The following PLEKHM1 variants were observed in gnomAD, a reference collection of about 807,000 sequenced individuals.
PLEKHM1 encodes the protein pleckstrin homology and RUN domain containing M1.
A neutral mutation model predicts 94.3 loss-of-function variants in PLEKHM1; 28 were observed. That is an observed-to-expected ratio of 0.30 (90% CI 0.22 to 0.41). PLEKHM1 has a LOEUF of 0.41. PLEKHM1 is among the 10% of genes least tolerant of loss of function. PLEKHM1 has a pLI of 1.00. For synonymous variants in PLEKHM1, 424 were observed against 581.2 expected (o/e 0.73, Z 3.89); for missense variants, 907 against 1,358.6 (o/e 0.67, Z 5.22).
intron 5 of PLEKHM1, among the ~76,000 whole-genome samples, chr17:45,461,865 G>A (rs1342139363): frequency 6.6e-6 from 1 of 152,112 alleles, no homozygotes. Context: ...AGTGGATTCT[G>A]GTTCCTTTTC....
rs552862443 is a variant in PLEKHM1 at position 45,468,956 on chromosome 17, G to A, written c.924-363C>T. Among the ~76,000 whole-genome samples, 43 of 151,678 alleles carry A rather than the reference G, an allele frequency of 2.8e-4. No homozygotes were observed. The South Asian group carries it at 8.3e-3, about 29-fold the overall frequency. On this transcript the variant is annotated intron_variant, in intron 4 of 11. Transcript: ENST00000430334. The stretch of plus-strand genomic sequence containing the variant: ...CAAACACATGGTTGTGTGGGCAATC[G>A]TTTCCCCAAACATGGTATGCAGCAG...
rs1376708773 is a variant in PLEKHM1, at chr17:45,458,389, C to G, written c.1359G>C (p.Glu453Asp). 1.2e-6 allele frequency: 2 copies of G among 1,613,762 alleles called. 1 individual carries two copies. Among genetic ancestry groups the G allele is most frequent in the African/African-American group, 2.7e-5 (2 of 74,928 alleles). ...SEDDFYRPSR[E>D]QPLESASDHP... is the part of the protein sequence containing the mutation. The stretch of plus-strand genomic sequence containing the variant: ...GGTCTGAAGCACTCTCCAGGGGTTG[C>G]TCCCGGGAAGGCCGGTAGAAGTCAT... Residue 453 changes from glutamate to aspartate, a missense_variant, in exon 6 of 12, where the codon GAG (glutamate) becomes GAC (aspartate). Physicochemically the swap from Glu to Asp is conservative, Grantham distance 45 (BLOSUM62 2). This residue lies in a region of PLEKHM1 where 477 missense variants were observed against 601.5 expected (regional missense o/e 0.79). Coordinates refer to ENST00000430334, the MANE Select transcript of PLEKHM1 (RefSeq NM_014798.3).
At position 45,453,081 on chromosome 17, in the gene PLEKHM1, G is replaced by C. The variant is rs151150419; in HGVS notation, c.2497+274C>G. 7 of 594,898 alleles carry C rather than the reference G, an allele frequency of 1.2e-5. No individual in the cohort carries two copies. The highest frequency in any genetic ancestry group is 4.4e-4 in the Middle Eastern group (1 of 2,254). 36.9% of individuals were successfully genotyped at this position (594,898 alleles called of 1,614,324 possible). On this transcript the variant is annotated intron_variant, in intron 7 of 11. Transcript: ENST00000430334. This position sits in a 1 kb window ranked among gnomAD's most constrained non-coding sequence, Gnocchi z 4.1. ...AATGAAGCAGGCTGGGACTCCCTGA[G>C]CAGCGCAGTGAGTAGCCAGCCTGCC... is the stretch of plus-strand genomic sequence containing the variant.
At position 45,444,140 on chromosome 17, in the gene PLEKHM1, G is replaced by C. The variant is rs1225929791; in HGVS notation, c.2837+1330C>G. 2.6e-5 allele frequency among the ~76,000 whole-genome samples: 4 copies of C among 152,184 alleles called. No individual in the cohort carries two copies. Among genetic ancestry groups the C allele is most frequent in the Non-Finnish European group, 5.9e-5 (4 of 68,014 alleles). On this transcript the variant is annotated intron_variant, in intron 9 of 11. Coordinates refer to ENST00000430334, the MANE Select transcript of PLEKHM1 (RefSeq NM_014798.3). The surrounding 1 kb of genome is among the most constrained non-coding windows in gnomAD (Gnocchi z 5.0). The stretch of plus-strand genomic sequence containing the variant: ...GCCAGGATGGAGGAGGCAGTCTTCA[G>C]AGAGGCGCTCTCTGGGCCAGCCCTG...
intron 6 of PLEKHM1, among the ~76,000 whole-genome samples, chr17:45,457,418 G>A (rs997613953): frequency 6.6e-6 from 1 of 152,050 alleles, no homozygotes; most frequent in Non-Finnish European, 1.5e-5. Context: ...AAATGAGCCA[G>A]GCATGGTGGC....
In PLEKHM1 at chr17:45,453,679, T is replaced by C; in HGVS notation, c.2173A>G (p.Ser725Gly). 1 of 1,613,804 alleles carries C rather than the reference T, an allele frequency of 6.2e-7. No individual in the cohort carries two copies. The highest frequency in any genetic ancestry group is 8.5e-7 in the Non-Finnish European group (1 of 1,179,820). Residue 725 changes from serine (S) to glycine (G), a missense_variant, in exon 7 of 12, where the codon AGC becomes GGC. By Grantham distance (56) the Ser-to-Gly change is moderately conservative. Coordinates refer to ENST00000430334, the MANE Select transcript of PLEKHM1 (RefSeq NM_014798.3). The surrounding 1 kb of genome is among the most constrained non-coding windows in gnomAD (Gnocchi z 4.1). ...TCCCGGATGGTCTCCACGCCGTGGC[T>C]GTCACTCAGCATCTTCTCATTGTTC... The part of the protein sequence containing the change: ...IRNNEKMLSD[S>G]HGVETIRDIL...
intron 5 of PLEKHM1, chr17:45,460,103 T>C (rs911775765): frequency 2.0e-5 from 3 of 152,172 alleles, no homozygotes; most frequent in Non-Finnish European, 4.4e-5. Context: ...TGTATGACAG[T>C]AGAACATGTG....
chr17:45,472,576 C>T (rs1316621837), intron 4 of PLEKHM1, among the ~76,000 whole-genome samples: 1 of 152,228 alleles, frequency 6.6e-6, no homozygotes, highest in Admixed American at 6.5e-5. Flanking sequence ...GGTCACACTG[C>T]AGGCCTGTCA....
At chr17:45,467,035 G>C (rs1273033421) in intron 5 of PLEKHM1, among the ~76,000 whole-genome samples, 3 of 152,186 alleles carry the variant, frequency 2.0e-5, no homozygotes, top group Non-Finnish European at 2.9e-5. Context: ...TTTTTACAAT[G>C]GAATACTGCA....
At position 45,440,164 on chromosome 17, in the gene PLEKHM1, T is replaced by A. The variant is rs375254505; in HGVS notation, c.2900A>T (p.Gln967Leu). ...GCGGGGGAAGCATGACACTCTTACCTGTTGGAGGTCAGCAACACTGAACCT... is the reference window on the plus strand; with the variant it reads ...GCGGGGGAAGCATGACACTCTTACCAGTTGGAGGTCAGCAACACTGAACCT... ...PHRFSVADLQ[Q>L]IADGVYEGFL... is the part of the protein sequence containing the mutation. The change falls in exon 10 of 12, where the codon CAG (glutamine) becomes CTG (leucine). Residue 967 changes from glutamine to leucine, a missense_variant and splice_region_variant. Transcript: ENST00000430334. 70 of 1,613,522 alleles carry A rather than the reference T, an allele frequency of 4.3e-5. No homozygotes were observed. The highest frequency in any genetic ancestry group is 5.9e-5 in the Non-Finnish European group (70 of 1,179,534).
chr17:45,455,258 C>T (rs569356108), intron 6 of PLEKHM1, among the ~76,000 whole-genome samples: 1 of 152,280 alleles, frequency 6.6e-6, no homozygotes, highest in South Asian at 2.1e-4. Context: ...CTCCTCGTTG[C>T]CAAACCCCAA....
At position 45,436,514 on chromosome 17, in the gene PLEKHM1, CT is replaced by C. The variant is rs1375487346; in HGVS notation, c.*1343del. On this transcript the variant is annotated 3_prime_UTR_variant, in exon 12 of 12. Coordinates refer to ENST00000430334, the MANE Select transcript of PLEKHM1 (RefSeq NM_014798.3). Reference sequence around the variant, plus strand: ...TGACATGCGGCTCTCCACCTGAGGCCTGACTCCAAGCTGAGCGCAGGTAAGA... The same window carrying C: ...TGACATGCGGCTCTCCACCTGAGGCCGACTCCAAGCTGAGCGCAGGTAAGA... 1 of 453,420 alleles carries C rather than the reference CT, an allele frequency of 2.2e-6. No homozygotes were observed. Among genetic ancestry groups the C allele is most frequent in the East Asian group, 7.0e-5 (1 of 14,362 alleles). 28.1% of individuals were successfully genotyped at this position (453,420 alleles called of 1,614,324 possible). A position where few individuals can be genotyped will look rare whatever the true frequency, so the allele number is the denominator to read the frequency against.
intron 6 of PLEKHM1, among the ~76,000 whole-genome samples, chr17:45,455,171 C>T (rs1473255537): frequency 1.3e-5 from 2 of 152,172 alleles, no homozygotes; most frequent in Non-Finnish European, 2.9e-5. Flanking sequence ...TCCCTGCTCC[C>T]ATTCCTTCTC....
chr17:45,440,320 G>A, intron 9 of PLEKHM1, 94 bp from the exon 10 acceptor site: 1 of 1,271,230 alleles, frequency 7.9e-7, no homozygotes. Context: ...CTGCTCACCA[G>A]GCAGACACCC....
intron 9 of PLEKHM1, among the ~76,000 whole-genome samples, chr17:45,442,322 G>A (rs1212359536): frequency 6.6e-6 from 1 of 152,144 alleles, no homozygotes; most frequent in Non-Finnish European, 1.5e-5. Context: ...CCAGCTCCCT[G>A]GGCTAATTAC....
At chr17:45,489,518 T>C (rs2052239617) in intron 1 of PLEKHM1, among the ~76,000 whole-genome samples, 1 of 152,156 alleles carries the variant, frequency 6.6e-6, no homozygotes, top group Non-Finnish European at 1.5e-5. Flanking sequence ...ATTTGAATGA[T>C]ACCTACCATT....
chr17:45,473,371 CTT>C (rs1238532205), intron 4 of PLEKHM1, among the ~76,000 whole-genome samples: 3 of 152,022 alleles, frequency 2.0e-5, no homozygotes, highest in Non-Finnish European at 4.4e-5. Flanking sequence ...AGGAAGATCT[CTT>C]GAGCCCAGGA....
intron 2 of PLEKHM1, among the ~76,000 whole-genome samples, chr17:45,478,850 G>A (rs2051844352): frequency 6.6e-6 from 1 of 151,828 alleles, no homozygotes; most frequent in South Asian, 2.1e-4. Flanking sequence ...AAGATCCTAG[G>A]CCTGGAAGCC....
Position 45,453,251 on chromosome 17 carries a change from G to T in PLEKHM1, c.2497+104C>A, listed in dbSNP as rs773740654. 1.0e-6 allele frequency: 1 copy of T among 969,678 alleles called. No homozygotes were observed. The highest frequency in any genetic ancestry group is 1.4e-5 in the South Asian group (1 of 72,318). The allele number at this position is 969,678 out of a possible 1,614,324, so 60.1% of individuals were successfully genotyped here. On this transcript the variant is annotated intron_variant, in intron 7 of 11. Transcript: ENST00000430334. This position sits in a 1 kb window ranked among gnomAD's most constrained non-coding sequence, Gnocchi z 4.1. ...TGGCCTCATCCCTAGGGGAAGGATG[G>T]GGGCATTTGCGGGGAGGCAGAAGGG...
Sources: gnomAD v4.1 joint callset for allele counts (sites outside exome capture counted in the v4.1 genomes callset) on GRCh38, gnomAD v4.1.1 for gene constraint, gnomAD v4.1.1 regional missense constraint, Gnocchi (gnomAD v3.1) non-coding constraint, MANE v1.5 for transcripts, NCBI Gene and HGNC (gene_info 2026-07-23, HGNC 2026-07-21) for gene names.